The following PACRG variants were observed in gnomAD, a reference collection of about 807,000 sequenced individuals.
PACRG encodes parkin coregulated gene protein.
Under a neutral mutation model 29.7 loss-of-function variants are expected in PACRG, and 29 were observed. The observed-to-expected ratio is 0.98, with a 90% CI of 0.73 to 1.33. The LOEUF (loss-of-function observed/expected upper bound fraction) is 1.33, where lower values mean the gene tolerates loss of function less well. Ranked by LOEUF, PACRG falls within the 40% of genes most tolerant of loss-of-function variation. PACRG has a pLI of 0.00. For missense variants in PACRG, 279 were observed against 316.2 expected (o/e 0.88, Z 0.89); for synonymous variants, 116 against 118.7 (o/e 0.98, Z 0.15).
rs556426900 is a variant in PACRG, at chr6:163,212,928, A to G, written c.614-101899A>G. Among the ~76,000 whole-genome samples the G allele has an allele frequency of 1.7e-3, 261 of 152,062 alleles. 2 individuals carry two copies. In the South Asian group the frequency reaches 0.027, roughly 16 times the overall value. ...CGAGTAGCTGGAACTACAGGCACCC[A>G]CCACCACGCCCAGCTAATTTTTTGT... On this transcript the variant is annotated intron_variant, in intron 4 of 4. Coordinates refer to ENST00000366888, the MANE Select transcript of PACRG (RefSeq NM_001080379.2).
At chr6:162,911,561 T>C (rs749560770) in intron 2 of PACRG, among the ~76,000 whole-genome samples, 2 of 152,228 alleles carry the variant, frequency 1.3e-5, no homozygotes, top group Non-Finnish European at 2.9e-5. Context: ...TATAGATAGA[T>C]ATGCAGTGAA....
intron 2 of PACRG, among the ~76,000 whole-genome samples, chr6:163,041,270 G>A (rs1808682606): frequency 6.6e-6 from 1 of 152,092 alleles, no homozygotes; most frequent in South Asian, 2.1e-4. Context: ...CTGGGAGGCG[G>A]AGCTTGCAGT....
At chr6:162,786,435 GT>G (rs1784473442) in intron 1 of PACRG, among the ~76,000 whole-genome samples, 1 of 152,148 alleles carries the variant, frequency 6.6e-6, no homozygotes, top group Admixed American at 6.5e-5. Flanking sequence ...TTATTCAGTT[GT>G]AGCCAATAGA....
chr6:162,728,416 G>A, intron 1 of PACRG, 25 bp downstream of exon 1: 2 of 1,604,836 alleles, frequency 1.2e-6, no homozygotes, highest in Middle Eastern at 3.3e-4. Context: ...TGAATTAAAT[G>A]CACTCGCTCT....
chr6:162,977,099 G>T (rs1802022832), intron 2 of PACRG, among the ~76,000 whole-genome samples: 1 of 151,754 alleles, frequency 6.6e-6, no homozygotes, highest in African/African-American at 2.4e-5. Flanking sequence ...TTAATAAATT[G>T]TTTATTATAT....
chr6:163,045,051 G>A (rs996167483), intron 2 of PACRG, among the ~76,000 whole-genome samples: 16 of 152,190 alleles, frequency 1.1e-4, no homozygotes, highest in Admixed American at 8.5e-4. Context: ...GGAGGTAGGC[G>A]TGGAGGGAGC....
intron 2 of PACRG, among the ~76,000 whole-genome samples, chr6:162,960,104 A>C (rs1323288462): frequency 6.6e-6 from 1 of 152,186 alleles, no homozygotes; most frequent in Non-Finnish European, 1.5e-5. Context: ...CTCAAAAAAC[A>C]ACGGATGCTG....
intron 1 of PACRG, among the ~76,000 whole-genome samples, chr6:162,801,793 T>C (rs9347690): frequency 0.068 from 10,325 of 152,166 alleles, 468 homozygotes; most frequent in East Asian, 0.28. Context: ...ATTGTAGTAA[T>C]AATTAATAAC....
At chr6:162,756,240 C>T (rs892432744) in intron 1 of PACRG, among the ~76,000 whole-genome samples, 2 of 152,028 alleles carry the variant, frequency 1.3e-5, no homozygotes, top group Non-Finnish European at 2.9e-5. Context: ...TTGAAAGTGG[C>T]GTATTAAGGT....
At chr6:163,008,397 T>G (rs1805319501) in intron 2 of PACRG, among the ~76,000 whole-genome samples, 1 of 152,020 alleles carries the variant, frequency 6.6e-6, no homozygotes, top group Non-Finnish European at 1.5e-5. Flanking sequence ...GAGGCACACA[T>G]CCAAATCCAT....
chr6:162,884,806 C>T (rs937100029), intron 2 of PACRG, among the ~76,000 whole-genome samples: 1 of 152,132 alleles, frequency 6.6e-6, no homozygotes, highest in African/African-American at 2.4e-5. Context: ...CAATGATAAA[C>T]CTAAAAACCT....
chr6:162,928,023 G>A (rs1046375611), intron 2 of PACRG, among the ~76,000 whole-genome samples: 3 of 151,922 alleles, frequency 2.0e-5, no homozygotes, highest in Non-Finnish European at 2.9e-5. Context: ...TTGGTATGAG[G>A]GTAATGCTGG....
At chr6:163,176,125 C>T (rs910004478) in intron 4 of PACRG, among the ~76,000 whole-genome samples, 3 of 152,196 alleles carry the variant, frequency 2.0e-5, no homozygotes, top group African/African-American at 7.2e-5. Flanking sequence ...CCCCCACCCC[C>T]CAACTTGTGG....
chr6:162,943,422 G>A (rs142939443), intron 2 of PACRG, among the ~76,000 whole-genome samples: 2,574 of 152,194 alleles, frequency 0.017, 33 homozygotes, highest in Non-Finnish European at 0.024. Flanking sequence ...TGAGGACAAG[G>A]TACCCTGCCT....
intron 3 of PACRG, among the ~76,000 whole-genome samples, chr6:163,070,582 A>G (rs2128278387): frequency 6.6e-6 from 1 of 152,186 alleles, no homozygotes; most frequent in Non-Finnish European, 1.5e-5. Flanking sequence ...ATCAAATCAT[A>G]TCACCAGAGA....
chr6:163,071,267 A>AT (rs61203200), intron 3 of PACRG, among the ~76,000 whole-genome samples: 152,251 of 152,254 alleles, frequency 1, 76,124 homozygotes, highest in Non-Finnish European at 1. Context: ...CATGTGGATC[A>AT]TCTCAAGGAT....
chr6:162,834,833 T>C (rs965009867), intron 2 of PACRG, among the ~76,000 whole-genome samples: 6 of 152,072 alleles, frequency 3.9e-5, no homozygotes, highest in African/African-American at 9.7e-5. Context: ...GGGCTTATCA[T>C]GTCCTAATGC....
chr6:162,941,604 C>T (rs1798636473), intron 2 of PACRG, among the ~76,000 whole-genome samples: 1 of 152,150 alleles, frequency 6.6e-6, no homozygotes, highest in Non-Finnish European at 1.5e-5. Context: ...GTTGGTTTTG[C>T]CTGCTATGCC....
intron 1 of PACRG, among the ~76,000 whole-genome samples, chr6:162,804,768 A>G (rs1162429060): frequency 6.6e-6 from 1 of 152,070 alleles, no homozygotes; most frequent in Non-Finnish European, 1.5e-5. Flanking sequence ...ATTGTTGCCT[A>G]TAGTGCCTTA....
Sources: gnomAD v4.1 joint callset for allele counts (sites outside exome capture counted in the v4.1 genomes callset) on GRCh38, gnomAD v4.1.1 for gene constraint, MANE v1.5 for transcripts, NCBI Gene and HGNC (gene_info 2026-07-23, HGNC 2026-07-21) for gene names.